Variants in MYT1L observed in about 807,000 individuals in gnomAD.
MYT1L encodes myelin transcription factor 1-like protein.
Under a neutral mutation model 126.7 loss-of-function variants are expected in MYT1L, and 12 were observed. The observed-to-expected ratio is 0.09, with a 90% CI of 0.06 to 0.15. The LOEUF is 0.15. MYT1L is among the 10% of genes least tolerant of loss of function. The probability of loss-of-function intolerance (pLI) is 1.00; values close to 1 mark genes in which losing one functional copy is unlikely to be tolerated. For synonymous variants in MYT1L, 541 were observed against 604.2 expected (o/e 0.90, Z 1.53); for missense variants, 979 against 1,585.2 (o/e 0.62, Z 6.49).
At chr2:1,956,556 CCTATT>C (rs888092327) in intron 8 of MYT1L, among the ~76,000 whole-genome samples, 9 of 140,892 alleles carry the variant, frequency 6.4e-5, no homozygotes, top group Non-Finnish European at 1.1e-4. Context: ...TATCATCTAT[CCTATT>C]CTATATTTCC....
intron 18 of MYT1L, among the ~76,000 whole-genome samples, chr2:1,877,058 C>A (rs2047000361): frequency 6.6e-6 from 1 of 152,166 alleles, no homozygotes; most frequent in African/African-American, 2.4e-5. Flanking sequence ...TATAACCCTG[C>A]AGCAGAAAAA....
intron 1 of MYT1L, among the ~76,000 whole-genome samples, chr2:2,307,801 A>G (rs978642938): frequency 1.4e-5 from 2 of 145,076 alleles, no homozygotes; most frequent in East Asian, 3.9e-4. Context: ...TACTCCACCC[A>G]TGTTTCAGTA....
chr2:2,231,480 C>T (rs926688383), intron 2 of MYT1L, among the ~76,000 whole-genome samples: 6 of 151,942 alleles, frequency 3.9e-5, no homozygotes, highest in Admixed American at 3.9e-4. Flanking sequence ...CTTTGTTGCC[C>T]AGGCTAGAGT....
chr2:2,212,227 T>TCG (rs200251095), intron 2 of MYT1L, among the ~76,000 whole-genome samples: 21,964 of 152,150 alleles, frequency 0.14, 1,713 homozygotes, highest in African/African-American at 0.19. Flanking sequence ...AATATGGGCA[T>TCG]TTAACTTTGA....
chr2:1,937,610 G>A (rs915628562), intron 9 of MYT1L, among the ~76,000 whole-genome samples: 4 of 150,914 alleles, frequency 2.7e-5, no homozygotes, highest in African/African-American at 7.4e-5. Context: ...AGGCCCTAAT[G>A]TCCACAGCCA....
At chr2:2,021,628 T>C (rs2065037123) in intron 4 of MYT1L, among the ~76,000 whole-genome samples, 2 of 152,218 alleles carry the variant, frequency 1.3e-5, no homozygotes, top group Non-Finnish European at 2.9e-5. Context: ...CCGGGCGCGG[T>C]GGCCCACGCC....
At chr2:2,038,352 C>G (rs1348698175) in intron 4 of MYT1L, among the ~76,000 whole-genome samples, 4 of 152,024 alleles carry the variant, frequency 2.6e-5, no homozygotes, top group East Asian at 1.9e-4. Flanking sequence ...CTCAGGTGAC[C>G]CCATTATCTT....
At chr2:1,894,992 T>A (rs1307462719) in intron 14 of MYT1L, among the ~76,000 whole-genome samples, 1 of 152,234 alleles carries the variant, frequency 6.6e-6, no homozygotes, top group South Asian at 2.1e-4. Context: ...CCATCAACGA[T>A]GTGTTTGTCT....
intron 4 of MYT1L, among the ~76,000 whole-genome samples, chr2:2,032,642 G>A (rs2066467322): frequency 7.4e-6 from 1 of 134,884 alleles, no homozygotes; most frequent in African/African-American, 2.9e-5. Context: ...CTGTGGCCCA[G>A]AGCAGATTCT....
At chr2:1,863,186 G>A (rs1423411655) in intron 18 of MYT1L, among the ~76,000 whole-genome samples, 8 of 152,132 alleles carry the variant, frequency 5.3e-5, no homozygotes, top group Non-Finnish European at 8.8e-5. Context: ...TTTCTATTGG[G>A]TGCCTTAACC....
chr2:2,210,542 T>C (rs900512769), intron 2 of MYT1L, among the ~76,000 whole-genome samples: 1 of 152,204 alleles, frequency 6.6e-6, no homozygotes, highest in Non-Finnish European at 1.5e-5. Context: ...ACTGTAGGTA[T>C]AAGGATTTGC....
Position 1,917,583 on chromosome 2 carries a change from C to G in MYT1L, c.1484-244G>C, listed in dbSNP as rs918668948. The stretch of plus-strand genomic sequence containing the variant: ...TATTCTAAAGAAAAGAAAAGCCTAC[C>G]CCTCACCTTAACTCTGATTCATTAT... On this transcript the variant is annotated intron_variant, in intron 10 of 24. Coordinates refer to ENST00000647738, the MANE Select transcript of MYT1L (RefSeq NM_001303052.2). This position sits in a 1 kb window ranked among gnomAD's most constrained non-coding sequence, Gnocchi z 5.9. Among the ~76,000 whole-genome samples the G allele has an allele frequency of 3.3e-5, 5 of 152,030 alleles. No individual in the cohort carries two copies. Among genetic ancestry groups the G allele is most frequent in the East Asian group, 1.9e-4 (1 of 5,188 alleles).
At chr2:2,170,924 C>T (rs2089962567) in intron 3 of MYT1L, among the ~76,000 whole-genome samples, 1 of 152,164 alleles carries the variant, frequency 6.6e-6, no homozygotes, top group South Asian at 2.1e-4. Context: ...AGAGTGAGGA[C>T]TGAGTGGAAA....
chr2:2,271,423 C>T (rs2095261087), intron 2 of MYT1L, among the ~76,000 whole-genome samples: 1 of 152,206 alleles, frequency 6.6e-6, no homozygotes, highest in Non-Finnish European at 1.5e-5. Context: ...AAAAAGCTCC[C>T]ACCCCATTCG....
chr2:2,305,097 T>G (rs2095841856), intron 1 of MYT1L, among the ~76,000 whole-genome samples: 3 of 152,264 alleles, frequency 2.0e-5, no homozygotes, highest in Admixed American at 2.0e-4. Flanking sequence ...TTTATTTTTT[T>G]GATACTGGGA....
At chr2:2,212,180 TA>T in intron 2 of MYT1L, among the ~76,000 whole-genome samples, 1 of 151,258 alleles carries the variant, frequency 6.6e-6, no homozygotes, top group South Asian at 2.1e-4. Context: ...AATAGATTTG[TA>T]TTTTTCTTAT....
intron 18 of MYT1L, among the ~76,000 whole-genome samples, chr2:1,862,768 G>A (rs2044863286): frequency 6.6e-6 from 1 of 152,194 alleles, no homozygotes; most frequent in African/African-American, 2.4e-5. Context: ...CTGCAGGGAT[G>A]TGGCCGTCTC....
chr2:1,884,129 T>C (rs2148815693), intron 18 of MYT1L: 1 of 152,288 alleles, frequency 6.6e-6, no homozygotes, highest in Non-Finnish European at 1.5e-5. Flanking sequence ...GTGTTGGAAG[T>C]GACAAGAAGA....
intron 8 of MYT1L, among the ~76,000 whole-genome samples, chr2:1,957,092 G>A (rs1185269982): frequency 6.6e-6 from 1 of 152,118 alleles, no homozygotes; most frequent in Non-Finnish European, 1.5e-5. Flanking sequence ...GCAGAGTGCC[G>A]GGCACAGGGA....
Sources: gnomAD v4.1 joint callset for allele counts (sites outside exome capture counted in the v4.1 genomes callset) on GRCh38, gnomAD v4.1.1 for gene constraint, Gnocchi (gnomAD v3.1) non-coding constraint, MANE v1.5 for transcripts, NCBI Gene and HGNC (gene_info 2026-07-23, HGNC 2026-07-21) for gene names.